The following TM4SF1 variants were observed in gnomAD, a reference collection of about 807,000 sequenced individuals.
TM4SF1 encodes transmembrane 4 L6 family member 1.
TM4SF1 carries 20 observed loss-of-function variants against 24.5 expected under a neutral mutation model. The observed-to-expected ratio is 0.82, with a 90% CI of 0.57 to 1.19. TM4SF1 has a LOEUF of 1.19. TM4SF1 is among the 50% of genes most tolerant of loss of function. The pLI is 0.00. For synonymous variants in TM4SF1, 107 were observed against 95.4 expected (o/e 1.12, Z -0.71); for missense variants, 258 against 248.1 (o/e 1.04, Z -0.27).
Position 149,376,751 on chromosome 3 carries a change from A to T in TM4SF1, c.177+620T>A, listed in dbSNP as rs146471880. 1.2e-3 allele frequency among the ~76,000 whole-genome samples: 178 copies of T among 152,340 alleles called. 2 individuals carry two copies. In the East Asian group the frequency reaches 0.028, roughly 24 times the overall value. On this transcript the variant is annotated intron_variant, in intron 1 of 4. Coordinates refer to ENST00000305366, the MANE Select transcript of TM4SF1 (RefSeq NM_014220.3). ...GTTGAAGCTAATGCTTTCAGCTCCC[A>T]GGTTGGCAGGGAAATTCCTCTCACT...
chr3:149,377,261 A>G (rs1207709247), intron 1 of TM4SF1, 110 bp downstream of exon 1: 2 of 1,390,946 alleles, frequency 1.4e-6, no homozygotes, highest in African/African-American at 1.4e-5. Context: ...ACAGCAACAA[A>G]AAAGTCACTT....
intron 4 of TM4SF1, chr3:149,371,432 G>A (rs1294001978): frequency 1.9e-5 from 11 of 586,428 alleles, no homozygotes; most frequent in Middle Eastern, 4.5e-4. Context: ...TGAAGGGAGC[G>A]CTGTGTCTAT....
In TM4SF1 at chr3:149,375,519, G is replaced by C. The variant is rs1731928463; in HGVS notation, c.337C>G (p.Leu113Val). The C allele has an allele frequency of 6.2e-7, 1 of 1,614,210 alleles. No individual in the cohort carries two copies. The highest frequency in any genetic ancestry group is 1.3e-5 in the African/African-American group (1 of 75,032). ...GSGYCVIVAA[L>V]GLAEGPLCLD... is the part of the protein sequence containing the mutation. ...CATAGTGGTCCTTCTGCTAAGCCAA[G>C]GGCTGCCACAATGACACAGTAGCCA... is the stretch of plus-strand genomic sequence containing the variant. Residue 113 changes from leucine (L) to valine (V), a missense_variant, in exon 3 of 5, where the codon CTT becomes GTT. Physicochemically the swap from Leu to Val is conservative, Grantham distance 32. Coordinates refer to ENST00000305366, the MANE Select transcript of TM4SF1 (RefSeq NM_014220.3).
chr3:149,372,104 G>T (rs1468326709), intron 3 of TM4SF1, among the ~76,000 whole-genome samples: 1 of 151,978 alleles, frequency 6.6e-6, no homozygotes, highest in African/African-American at 2.4e-5. Flanking sequence ...GGATTACATG[G>T]TCAGAAATTC....
At chr3:149,370,639 A>G (rs1467766657) in intron 4 of TM4SF1, 1 of 152,180 alleles carries the variant, frequency 6.6e-6, no homozygotes, top group South Asian at 2.1e-4. Context: ...AAGGTTTCCC[A>G]TTCCCTTATT....
chr3:149,377,497 G>A lies in TM4SF1; in HGVS notation c.51C>T (p.Leu17=), dbSNP rs1417565207. The change falls in exon 1 of 5, where the codon CTC becomes CTT. Residue 17 remains leucine, a synonymous_variant. Coordinates refer to ENST00000305366, the MANE Select transcript of TM4SF1 (RefSeq NM_014220.3). ...ARCIGHSLVG[L]ALLCIAANIL... ...TATTAGCCGCGATGCACAGGAGGGC[G>A]AGCCCCACCAGAGAATGTCCGATGC... 6 of 1,614,112 alleles carry A rather than the reference G, an allele frequency of 3.7e-6. No homozygotes were observed. Among genetic ancestry groups the A allele is most frequent in the African/African-American group, 2.7e-5 (2 of 75,034 alleles).
In TM4SF1 at chr3:149,377,474, T is replaced by G; in HGVS notation, c.74A>C (p.Asn25Thr). The G allele has an allele frequency of 6.2e-7, 1 of 1,614,136 alleles. No individual in the cohort carries two copies. Among genetic ancestry groups the G allele is most frequent in the Non-Finnish European group, 8.5e-7 (1 of 1,180,016 alleles). The stretch of plus-strand genomic sequence containing the variant: ...CCCATTGGGAAAGTAAAGCAAAATA[T>G]TAGCCGCGATGCACAGGAGGGCGAG... ...VGLALLCIAA[N>T]ILLYFPNGET... is the part of the protein sequence containing the mutation. Residue 25 changes from asparagine (N) to threonine (T), a missense_variant, in exon 1 of 5, where the codon AAT becomes ACT. Physicochemically the swap from Asn to Thr is moderately conservative, Grantham distance 65. Transcript: ENST00000305366.
At position 149,369,700 on chromosome 3, in the gene TM4SF1, T is replaced by G; in HGVS notation, c.*166A>C. On this transcript the variant is annotated 3_prime_UTR_variant, in exon 5 of 5. Coordinates refer to ENST00000305366, the MANE Select transcript of TM4SF1 (RefSeq NM_014220.3). ...CAAACAAAAAAGAAGTTTACTAAAT[T>G]TAAACACTGACATCCTGTGAAGATG... is the stretch of plus-strand genomic sequence containing the variant. The G allele has an allele frequency of 1.3e-6, 1 of 786,962 alleles. No homozygotes were observed. Among genetic ancestry groups the G allele is most frequent in the African/African-American group, 1.8e-5 (1 of 54,686 alleles). 48.7% of individuals were successfully genotyped at this position (786,962 alleles called of 1,614,324 possible).
At position 149,369,715 on chromosome 3, in the gene TM4SF1, C is replaced by A; in HGVS notation, c.*151G>T. 1 of 854,370 alleles carries A rather than the reference C, an allele frequency of 1.2e-6. No homozygotes were observed. The highest frequency in any genetic ancestry group is 1.8e-6 in the Non-Finnish European group (1 of 550,648). 52.9% of individuals were successfully genotyped at this position (854,370 alleles called of 1,614,324 possible). A position where few individuals can be genotyped will look rare whatever the true frequency, so the allele number is the denominator to read the frequency against. ...TTTACTAAATTTAAACACTGACATC[C>A]TGTGAAGATGCCAGTCTTTACAGGC... On this transcript the variant is annotated 3_prime_UTR_variant, in exon 5 of 5. Transcript: ENST00000305366.
rs28472292 is a variant in TM4SF1 at position 149,374,418 on chromosome 3, A to G, written c.413+1025T>C. Among the ~76,000 whole-genome samples the G allele has an allele frequency of 4.1e-3, 630 of 152,356 alleles. 2 individuals are homozygous for G. The highest frequency in any genetic ancestry group is 7.1e-3 in the Non-Finnish European group (485 of 68,040). ...ATTATTTTTAATCATGAATCTCAAA[A>G]CTAAACCTTTCAAAATTCAACTTCA... On this transcript the variant is annotated intron_variant, in intron 3 of 4. Transcript: ENST00000305366.
intron 1 of TM4SF1, among the ~76,000 whole-genome samples, 165 bp downstream of exon 1, chr3:149,377,206 A>C (rs1414155895): frequency 6.6e-6 from 1 of 152,234 alleles, no homozygotes; most frequent in African/African-American, 2.4e-5. Flanking sequence ...ACTACGCTAT[A>C]CTGTACCAAT....
chr3:149,374,273 C>T (rs1731898132), intron 3 of TM4SF1, among the ~76,000 whole-genome samples: 1 of 152,168 alleles, frequency 6.6e-6, no homozygotes, highest in Admixed American at 6.5e-5. Context: ...TGTGATTGAA[C>T]CCAGCTAATT....
At chr3:149,375,913 A>G in intron 1 of TM4SF1, 144 bp from the exon 2 acceptor site, 2 of 730,068 alleles carry the variant, frequency 2.7e-6, no homozygotes, top group Non-Finnish European at 4.5e-6. Flanking sequence ...AAGAATGTAA[A>G]CCTCTGAGGA....
chr3:149,376,801 AAAT>A (rs1731964761), intron 1 of TM4SF1, among the ~76,000 whole-genome samples: 1 of 152,226 alleles, frequency 6.6e-6, no homozygotes, highest in African/African-American at 2.4e-5. Context: ...TTCTTGGAAA[AAAT>A]AACACATTCC....
At chr3:149,376,608 CTTGA>C (rs1296726589) in intron 1 of TM4SF1, among the ~76,000 whole-genome samples, 1 of 152,194 alleles carries the variant, frequency 6.6e-6, no homozygotes, top group African/African-American at 2.4e-5. Flanking sequence ...CTATCTTTTA[CTTGA>C]TTAAGAAAAT....
intron 3 of TM4SF1, among the ~76,000 whole-genome samples, chr3:149,373,988 C>T (rs1187486324): frequency 6.6e-6 from 1 of 152,178 alleles, no homozygotes; most frequent in Non-Finnish European, 1.5e-5. Flanking sequence ...AAAGCTGAGT[C>T]ATGATTGATC....
At chr3:149,373,294 C>T (rs1195452993) in intron 3 of TM4SF1, among the ~76,000 whole-genome samples, 5 of 152,162 alleles carry the variant, frequency 3.3e-5, no homozygotes, top group East Asian at 3.8e-4. Flanking sequence ...AGGATTTAGT[C>T]GATTTTATAA....
Position 149,371,871 on chromosome 3 carries a change from T to C in TM4SF1, c.414-4A>G. 1 of 1,613,708 alleles carries C rather than the reference T, an allele frequency of 6.2e-7. No individual in the cohort carries two copies. ...TGTGGAGGTATCCAGAAGGTACCTG[T>C]GGGTAAAAAGAGAAACTTCTGACAC... On this transcript the variant is annotated splice_region_variant and splice_polypyrimidine_tract_variant and intron_variant, in intron 3 of 4. Coordinates refer to ENST00000305366, the MANE Select transcript of TM4SF1 (RefSeq NM_014220.3).
In TM4SF1 at chr3:149,375,403, TG is replaced by T. The variant is rs754758187; in HGVS notation, c.413+39del. The T allele has an allele frequency of 4.7e-5, 75 of 1,608,894 alleles. No homozygotes were observed. The African/African-American group carries it at 9.3e-4, about 20-fold the overall frequency. On this transcript the variant is annotated intron_variant, in intron 3 of 4. Coordinates refer to ENST00000305366, the MANE Select transcript of TM4SF1 (RefSeq NM_014220.3). ...TAGAGCTGCCACTATATACATGTGG[TG>T]GATAAAAATGTGTAGCCATGTAGAG... is the stretch of plus-strand genomic sequence containing the variant.
Sources: gnomAD v4.1 joint callset for allele counts (sites outside exome capture counted in the v4.1 genomes callset) on GRCh38, gnomAD v4.1.1 for gene constraint, MANE v1.5 for transcripts, NCBI Gene and HGNC (gene_info 2026-07-23, HGNC 2026-07-21) for gene names.